OTOGL: variants seen among roughly 807,000 people sequenced by gnomAD.
OTOGL encodes the protein otogelin-like protein.
A neutral mutation model predicts 318.5 loss-of-function variants in OTOGL; 285 were observed. The observed-to-expected ratio is 0.89, with a 90% CI of 0.81 to 0.99. The LOEUF is 0.99. Among genes scored for constraint, OTOGL ranks in the 50% least tolerant of loss-of-function variants. OTOGL has a pLI of 0.00. For synonymous variants in OTOGL, 987 were observed against 936.5 expected, an observed-to-expected ratio of 1.05 and a Z score of -0.99; for missense variants, 2,899 against 2,845.6, an observed-to-expected ratio of 1.02 and a Z score of -0.43.
chr12:80,117,784 C>A (rs1870255092), intron 1 of OTOGL, among the ~76,000 whole-genome samples: 1 of 152,316 alleles, frequency 6.6e-6, no homozygotes, highest in Middle Eastern at 3.4e-3. Context: ...CTGGATTTCA[C>A]AGGTTTCCTT....
Position 80,209,421 on chromosome 12 carries a change from G to T in OTOGL, c.-11G>T. The stretch of plus-strand genomic sequence containing the variant: ...ATTTGGTTACATTTCAGGGGGAAAG[G>T]CTACACTGAAATGAACATTGTAAGA... On this transcript the variant is annotated 5_prime_UTR_variant, in exon 2 of 59. Transcript: ENST00000547103. The T allele has an allele frequency of 5.4e-6, 8 of 1,470,718 alleles. No individual in the cohort carries two copies. The highest frequency in any genetic ancestry group is 7.2e-6 in the Non-Finnish European group (8 of 1,106,396). 91.1% of individuals were successfully genotyped at this position (1,470,718 alleles called of 1,614,324 possible).
At chr12:80,374,071 T>G (rs1043981584) in intron 57 of OTOGL, among the ~76,000 whole-genome samples, 6 of 152,172 alleles carry the variant, frequency 3.9e-5, no homozygotes, top group African/African-American at 7.2e-5. Flanking sequence ...GCAGGGCTGC[T>G]GTAACAAACC....
At chr12:80,286,848 T>A (rs527509682) in intron 26 of OTOGL, among the ~76,000 whole-genome samples, 1 of 152,140 alleles carries the variant, frequency 6.6e-6, no homozygotes, top group Non-Finnish European at 1.5e-5. Flanking sequence ...CCTGGATTCA[T>A]TGATTTTTTG....
intron 6 of OTOGL, among the ~76,000 whole-genome samples, chr12:80,221,551 A>C (rs552619215): frequency 7.9e-4 from 120 of 152,196 alleles, no homozygotes; most frequent in African/African-American, 2.8e-3. Context: ...TTACAGGTAC[A>C]AGCCACCACA....
At chr12:80,280,522 G>A (rs556966800) in intron 26 of OTOGL, among the ~76,000 whole-genome samples, 29 of 151,786 alleles carry the variant, frequency 1.9e-4, no homozygotes, top group African/African-American at 6.3e-4. Context: ...ATGGCTAGCT[G>A]GTTATCCCAG....
intron 44 of OTOGL, among the ~76,000 whole-genome samples, chr12:80,350,890 C>T (rs1193116283): frequency 6.6e-6 from 1 of 152,104 alleles, no homozygotes; most frequent in Non-Finnish European, 1.5e-5. Context: ...CTTTGCTGTG[C>T]AGAAACTTTT....
At chr12:80,333,550 T>G (rs1888210892) in intron 38 of OTOGL, among the ~76,000 whole-genome samples, 1 of 152,004 alleles carries the variant, frequency 6.6e-6, no homozygotes, top group African/African-American at 2.4e-5. Flanking sequence ...CAACCAATAT[T>G]TATTTAGCAC....
At chr12:80,233,165 G>C in intron 9 of OTOGL, 68 bp downstream of exon 9, 1 of 1,372,108 alleles carries the variant, frequency 7.3e-7, no homozygotes, top group Non-Finnish European at 9.8e-7. Flanking sequence ...CAAGTTGTTT[G>C]TACCCAGAAG....
intron 27 of OTOGL, among the ~76,000 whole-genome samples, chr12:80,301,865 C>T (rs1885787569): frequency 6.6e-6 from 1 of 152,194 alleles, no homozygotes; most frequent in Non-Finnish European, 1.5e-5. Flanking sequence ...ATGCCTTTTA[C>T]TCACAAATTT....
At chr12:80,290,294 A>G (rs1884954000) in intron 26 of OTOGL, among the ~76,000 whole-genome samples, 1 of 151,014 alleles carries the variant, frequency 6.6e-6, no homozygotes, top group East Asian at 2.0e-4. Flanking sequence ...CACCTTCTGC[A>G]TTGGTCTCGG....
At chr12:80,363,912 TTTTA>T (rs1247566338) in intron 52 of OTOGL, among the ~76,000 whole-genome samples, 2 of 152,146 alleles carry the variant, frequency 1.3e-5, no homozygotes, top group East Asian at 3.9e-4. Flanking sequence ...TAGCTCTGTT[TTTTA>T]TTTATTTATT....
chr12:80,336,703 CT>C (rs1356625055), intron 40 of OTOGL, 93 bp from the exon 41 acceptor site: 1 of 1,404,856 alleles, frequency 7.1e-7, no homozygotes, highest in African/African-American at 1.5e-5. Flanking sequence ...TTCTGAAAAC[CT>C]TTCTTATCAA....
At chr12:80,144,211 C>T (rs554916759) in intron 1 of OTOGL, among the ~76,000 whole-genome samples, 1 of 152,234 alleles carries the variant, frequency 6.6e-6, no homozygotes, top group East Asian at 1.9e-4. Context: ...TCCCACTCCC[C>T]CCACCCCACA....
intron 11 of OTOGL, among the ~76,000 whole-genome samples, chr12:80,249,870 C>G (rs191225570): frequency 1.3e-5 from 2 of 152,052 alleles, no homozygotes; most frequent in Non-Finnish European, 1.5e-5. Context: ...TCTCGTGGTG[C>G]GCCGTTTTTT....
At chr12:80,199,524 C>T (rs1876313976) in intron 1 of OTOGL, among the ~76,000 whole-genome samples, 1 of 152,222 alleles carries the variant, frequency 6.6e-6, no homozygotes, top group Non-Finnish European at 1.5e-5. Context: ...ATTTCTTCTG[C>T]TTATCAATGG....
At chr12:80,376,081 C>A (rs1241729130) in intron 57 of OTOGL, among the ~76,000 whole-genome samples, 1 of 151,890 alleles carries the variant, frequency 6.6e-6, no homozygotes, top group Non-Finnish European at 1.5e-5. Flanking sequence ...AAAAAGAGGA[C>A]AGAGTGATGG....
chr12:80,249,192 G>C (rs1291853844), intron 11 of OTOGL, among the ~76,000 whole-genome samples: 2 of 148,236 alleles, frequency 1.3e-5, no homozygotes, highest in South Asian at 2.1e-4. Flanking sequence ...ATCCAGCTTT[G>C]TTCCGTTGCT....
Position 80,323,419 on chromosome 12 carries a change from C to T in OTOGL, c.4082-304C>T, listed in dbSNP as rs541756088. ...ATCCCAGCACTTTGGGAGACTAAAGCGGGTGGATCACCTGAGGTTAGGAAT... is the reference window on the plus strand; with the variant it reads ...ATCCCAGCACTTTGGGAGACTAAAGTGGGTGGATCACCTGAGGTTAGGAAT... On this transcript the variant is annotated intron_variant, in intron 34 of 58. Coordinates refer to ENST00000547103, the MANE Select transcript of OTOGL (RefSeq NM_001378609.3). Among the ~76,000 whole-genome samples the T allele has an allele frequency of 2.8e-4, 42 of 152,148 alleles. No homozygotes were observed. In the South Asian group the frequency reaches 3.7e-3, roughly 14 times the overall value.
chr12:80,203,349 A>G (rs1266219007), intron 1 of OTOGL, among the ~76,000 whole-genome samples: 4 of 151,714 alleles, frequency 2.6e-5, no homozygotes, highest in Admixed American at 2.6e-4. Context: ...TTTCACTTAT[A>G]AGGACCCTTT....
Sources: gnomAD v4.1 joint callset for allele counts (sites outside exome capture counted in the v4.1 genomes callset) on GRCh38, gnomAD v4.1.1 for gene constraint, MANE v1.5 for transcripts, NCBI Gene and HGNC (gene_info 2026-07-23, HGNC 2026-07-21) for gene names.